C12orf42: variants seen among roughly 807,000 people sequenced by gnomAD.
C12orf42 encodes the protein uncharacterized protein C12orf42.
C12orf42 carries 25 observed loss-of-function variants against 21.6 expected under a neutral mutation model. The observed-to-expected ratio is 1.16, with a 90% CI of 0.84 to 1.62. The LOEUF (loss-of-function observed/expected upper bound fraction) is 1.62. C12orf42 is among the 40% of genes most tolerant of loss of function. C12orf42 has a pLI of 0.00. For synonymous variants in C12orf42, 174 were observed against 175.0 expected, an observed-to-expected ratio of 0.99 and a Z score of 0.05; for missense variants, 483 against 459.3, an observed-to-expected ratio of 1.05 and a Z score of -0.47.
chr12:103,307,864 A>G (rs1022290398), intron 4 of C12orf42, among the ~76,000 whole-genome samples: 5 of 152,158 alleles, frequency 3.3e-5, no homozygotes, highest in Non-Finnish European at 5.9e-5. Context: ...AAAGGGATGA[A>G]AAGATGCAAG....
chr12:103,375,480 G>A (rs2045613771), intron 3 of C12orf42, among the ~76,000 whole-genome samples: 1 of 152,130 alleles, frequency 6.6e-6, no homozygotes, highest in Admixed American at 6.5e-5. Flanking sequence ...AGATGAAATT[G>A]TTAAAAGTAT....
At chr12:103,475,545 T>C (rs1953983592) in intron 2 of C12orf42, among the ~76,000 whole-genome samples, 1 of 152,210 alleles carries the variant, frequency 6.6e-6, no homozygotes, top group African/African-American at 2.4e-5. Flanking sequence ...TGACACTCAG[T>C]TCCAGAATCT....
the C12orf42 span, among the ~76,000 whole-genome samples, chr12:103,231,690 G>A: frequency 1.1e-4 from 17 of 151,830 alleles, no homozygotes; most frequent in Admixed American, 2.0e-4. Flanking sequence ...TGGATGTATC[G>A]GTCTGTTTAT....
chr12:103,453,811 T>C (rs1952110298), intron 2 of C12orf42, among the ~76,000 whole-genome samples: 1 of 152,120 alleles, frequency 6.6e-6, no homozygotes, highest in Admixed American at 6.6e-5. Context: ...AATTACTTTC[T>C]GTACTTGTTC....
At chr12:103,548,756 A>G in the C12orf42 span, 16 of 152,214 alleles carry the variant, frequency 1.1e-4, no homozygotes, top group African/African-American at 3.9e-4. Flanking sequence ...AAATGACTCC[A>G]TCTCCGACCA....
intron 4 of C12orf42, among the ~76,000 whole-genome samples, chr12:103,296,377 G>A (rs1161327456): frequency 3.9e-5 from 6 of 152,108 alleles, no homozygotes; most frequent in Admixed American, 1.3e-4. Flanking sequence ...GGGTATATAC[G>A]CAGTAATGAG....
the C12orf42 span, among the ~76,000 whole-genome samples, chr12:103,136,553 C>G: frequency 6.7e-6 from 1 of 148,440 alleles, no homozygotes; most frequent in Non-Finnish European, 1.5e-5. Context: ...GTATACGGAA[C>G]CATAAAATAA....
chr12:103,255,108 C>T (rs1207274405), intron 10 of C12orf42, among the ~76,000 whole-genome samples: 3 of 152,096 alleles, frequency 2.0e-5, no homozygotes, highest in Non-Finnish European at 4.4e-5. Context: ...CATGATGGCT[C>T]ACACCTGTAA....
At chr12:103,118,704 A>C in the C12orf42 span, among the ~76,000 whole-genome samples, 1 of 137,338 alleles carries the variant, frequency 7.3e-6, no homozygotes, top group East Asian at 2.4e-4. Context: ...AGGCTGAGGC[A>C]GGAGAATGGT....
At chr12:103,145,123 G>A in the C12orf42 span, among the ~76,000 whole-genome samples, 1 of 152,080 alleles carries the variant, frequency 6.6e-6, no homozygotes, top group Non-Finnish European at 1.5e-5. Flanking sequence ...ATTGAATATT[G>A]GAGAGTCCCC....
the C12orf42 span, among the ~76,000 whole-genome samples, chr12:103,533,664 CA>C: frequency 6.6e-6 from 1 of 152,148 alleles, no homozygotes; most frequent in Non-Finnish European, 1.5e-5. Flanking sequence ...TTTTGTTGGT[CA>C]AAAATGGTCA....
chr12:103,294,966 T>C (rs1458526806), intron 4 of C12orf42, among the ~76,000 whole-genome samples: 5 of 152,152 alleles, frequency 3.3e-5, no homozygotes, highest in East Asian at 1.9e-4. Context: ...TTTCCCTTCA[T>C]GTGTCCATGT....
chr12:103,500,138 A>G (rs543718882), upstream of C12orf42, among the ~76,000 whole-genome samples: 8 of 152,344 alleles, frequency 5.3e-5, no homozygotes, highest in African/African-American at 1.7e-4. Flanking sequence ...GTTTATGAAA[A>G]AACACAAATT....
At chr12:103,153,806 T>C in the C12orf42 span, among the ~76,000 whole-genome samples, 2 of 152,018 alleles carry the variant, frequency 1.3e-5, no homozygotes, top group Admixed American at 1.3e-4. Flanking sequence ...CTCTACTAAC[T>C]GTGTGCCTAA....
intron 4 of C12orf42, among the ~76,000 whole-genome samples, chr12:103,313,694 A>G (rs1566061331): frequency 6.6e-6 from 1 of 152,228 alleles, no homozygotes; most frequent in Non-Finnish European, 1.5e-5. Context: ...AGCTGTTATT[A>G]TCGTTGTTGT....
chr12:103,316,634 C>T (rs987666874), intron 4 of C12orf42, among the ~76,000 whole-genome samples: 2 of 152,072 alleles, frequency 1.3e-5, no homozygotes, highest in Non-Finnish European at 1.5e-5. Context: ...CCTGTGACCT[C>T]CATCATGTCT....
At chr12:103,287,599 A>C (rs147602865) in intron 4 of C12orf42, among the ~76,000 whole-genome samples, 164 of 152,184 alleles carry the variant, frequency 1.1e-3, no homozygotes, top group East Asian at 2.9e-3. Flanking sequence ...TGATATACCT[A>C]ATGCTAAATG....
intron 4 of C12orf42, among the ~76,000 whole-genome samples, chr12:103,286,442 T>C (rs7959260): frequency 0.046 from 6,975 of 151,714 alleles, 376 homozygotes; most frequent in African/African-American, 0.13. Context: ...TCATGAATTA[T>C]ATTTACACCC....
chr12:103,267,600 G>A (rs1338091465), downstream of C12orf42: 1 of 152,080 alleles, frequency 6.6e-6, no homozygotes, highest in East Asian at 1.9e-4. Context: ...TAATTAATTT[G>A]TAACTTACAA....
Sources: gnomAD v4.1 joint callset for allele counts (sites outside exome capture counted in the v4.1 genomes callset) on GRCh38, gnomAD v4.1.1 for gene constraint, MANE v1.5 for transcripts, NCBI Gene and HGNC (gene_info 2026-07-23, HGNC 2026-07-21) for gene names.